Variants in HIVEP2 observed in about 807,000 individuals in gnomAD.
HIVEP2 encodes the protein transcription factor HIVEP2.
In HIVEP2, 14 loss-of-function variants were observed where a neutral mutation model predicts 180.7. The observed-to-expected ratio is 0.08, with a 90% CI of 0.05 to 0.12. The LOEUF (loss-of-function observed/expected upper bound fraction) is 0.12, where lower values mean the gene tolerates loss of function less well. Ranked by LOEUF, HIVEP2 falls within the 10% of genes least tolerant of loss-of-function variation. The pLI is 1.00. For missense variants in HIVEP2, 2,579 were observed against 3,008.5 expected (o/e 0.86, Z 3.34); for synonymous variants, 1,184 against 1,136.4 (o/e 1.04, Z -0.84).
chr6:142,879,037 C>T (rs1776517449), intron 1 of HIVEP2, among the ~76,000 whole-genome samples: 1 of 152,062 alleles, frequency 6.6e-6, no homozygotes, highest in African/African-American at 2.4e-5. Context: ...AATATATATC[C>T]TCACTATCAT....
At chr6:142,883,662 A>C (rs1776629596) in intron 1 of HIVEP2, among the ~76,000 whole-genome samples, 1 of 152,166 alleles carries the variant, frequency 6.6e-6, no homozygotes, top group African/African-American at 2.4e-5. Context: ...AAACTTTTTC[A>C]TATAGTGTGA....
chr6:142,814,568 T>C (rs996979022), intron 2 of HIVEP2, among the ~76,000 whole-genome samples: 1 of 152,144 alleles, frequency 6.6e-6, no homozygotes, highest in Admixed American at 6.5e-5. Context: ...ATCGGTTATA[T>C]GTGTCAGTGT....
At chr6:142,889,045 C>A (rs1222614601) in intron 1 of HIVEP2, among the ~76,000 whole-genome samples, 1 of 152,094 alleles carries the variant, frequency 6.6e-6, no homozygotes, top group Non-Finnish European at 1.5e-5. Flanking sequence ...TTCGAACTTT[C>A]TATTTGATTT....
At chr6:142,863,800 A>T (rs908223344) in intron 1 of HIVEP2, among the ~76,000 whole-genome samples, 3 of 152,306 alleles carry the variant, frequency 2.0e-5, no homozygotes, top group Middle Eastern at 3.4e-3. Context: ...TCCCCCAAGG[A>T]GTAAGACACA....
At chr6:142,895,474 C>T (rs571869326) in intron 1 of HIVEP2, among the ~76,000 whole-genome samples, 2 of 152,266 alleles carry the variant, frequency 1.3e-5, no homozygotes, top group Non-Finnish European at 1.5e-5. Flanking sequence ...ACATCATTAT[C>T]TCCAGGGCTG....
intron 1 of HIVEP2, among the ~76,000 whole-genome samples, chr6:142,933,952 A>G (rs527657772): frequency 7.4e-4 from 113 of 152,338 alleles, no homozygotes; most frequent in African/African-American, 2.5e-3. Context: ...GAATGTGGGT[A>G]TAACTCTCTG....
chr6:142,771,243 A>G lies in HIVEP2; in HGVS notation c.3496T>C (p.Ser1166Pro), dbSNP rs974381338. ...PQIMHMDSQE[S>P]LRNPLIQPTS... ...GGTTGGATCAAGGGATTTCTCAAAG[A>G]TTCCTGACTGTCCATGTGCATGATC... The change falls in exon 5 of 10, where the codon TCT becomes CCT. Residue 1166 changes from serine (S) to proline (P), a missense_variant. Around this residue, in one of 11 missense-constraint regions of HIVEP2, gnomAD observed 523 missense variants for 577.0 expected, o/e 0.91. Coordinates refer to ENST00000367603, the MANE Select transcript of HIVEP2 (RefSeq NM_006734.4). The surrounding 1 kb of genome is among the most constrained non-coding windows in gnomAD (Gnocchi z 5.4). 8.1e-6 allele frequency: 13 copies of G among 1,614,008 alleles called. No homozygotes were observed. In the South Asian group the frequency reaches 8.8e-5, roughly 11 times the overall value.
At chr6:142,789,403 A>G (rs1776084799) in intron 2 of HIVEP2, among the ~76,000 whole-genome samples, 1 of 152,238 alleles carries the variant, frequency 6.6e-6, no homozygotes, top group African/African-American at 2.4e-5. Context: ...TCTTGACCCA[A>G]TTTGACATCA....
chr6:142,859,864 GAAAGAA>G (rs914666872), intron 1 of HIVEP2, among the ~76,000 whole-genome samples: 1 of 133,586 alleles, frequency 7.5e-6, no homozygotes, highest in African/African-American at 2.8e-5. Context: ...AGGAAAGAAA[GAAAGAA>G]AAAGAAAAAA....
chr6:142,932,629 A>G (rs1354950534), intron 1 of HIVEP2, among the ~76,000 whole-genome samples: 4 of 152,210 alleles, frequency 2.6e-5, no homozygotes, highest in Admixed American at 6.5e-5. Flanking sequence ...CAAGATTGCT[A>G]TCTTTAAATA....
rs773472852 is a variant in HIVEP2, at chr6:142,772,276, T to C, written c.2463A>G (p.Glu821=). The part of the protein sequence containing the change: ...PNSFERSESA[E]LVACTQDKAP... ...CTTTATCCTGTGTGCAAGCCACAAGTTCGGCTGACTCAGACCTTTCAAATG... is the reference window on the plus strand; with the variant it reads ...CTTTATCCTGTGTGCAAGCCACAAGCTCGGCTGACTCAGACCTTTCAAATG... Residue 821 remains glutamate, a synonymous_variant, in exon 5 of 10, where the codon GAA becomes GAG. Coordinates refer to ENST00000367603, the MANE Select transcript of HIVEP2 (RefSeq NM_006734.4). The surrounding 1 kb of genome is among the most constrained non-coding windows in gnomAD (Gnocchi z 4.9). The C allele has an allele frequency of 2.5e-6, 4 of 1,614,258 alleles. No individual in the cohort carries two copies. The Admixed American group carries it at 6.7e-5, about 27-fold the overall frequency.
At chr6:142,865,547 C>T (rs1776116946) in intron 1 of HIVEP2, among the ~76,000 whole-genome samples, 1 of 152,088 alleles carries the variant, frequency 6.6e-6, no homozygotes, top group Admixed American at 6.6e-5. Context: ...TGCCTACGAA[C>T]GTACCACCTC....
chr6:142,896,648 A>T (rs1485617706), intron 1 of HIVEP2, among the ~76,000 whole-genome samples: 1 of 152,254 alleles, frequency 6.6e-6, no homozygotes, highest in African/African-American at 2.4e-5. Flanking sequence ...TTCACAAAAA[A>T]GAAAAAACAA....
chr6:142,926,888 G>A (rs1239103456), intron 1 of HIVEP2, among the ~76,000 whole-genome samples: 3 of 152,034 alleles, frequency 2.0e-5, no homozygotes, highest in East Asian at 1.9e-4. Context: ...GGGGGAGGCC[G>A]AGAGCATTTC....
At chr6:142,876,852 A>G (rs1472057520) in intron 1 of HIVEP2, among the ~76,000 whole-genome samples, 2 of 89,828 alleles carry the variant, frequency 2.2e-5, no homozygotes, top group African/African-American at 4.8e-5. Flanking sequence ...GCCAAATCCC[A>G]TCTTCACACA....
At position 142,943,778 on chromosome 6, in the gene HIVEP2, A is replaced by G. The variant is rs1582983371; in HGVS notation, c.-641+1321T>C. Among the ~76,000 whole-genome samples, 5 of 152,368 alleles carry G rather than the reference A, an allele frequency of 3.3e-5. No homozygotes were observed. The East Asian group carries it at 9.6e-4, about 29-fold the overall frequency. On this transcript the variant is annotated intron_variant, in intron 1 of 9. Coordinates refer to ENST00000367603, the MANE Select transcript of HIVEP2 (RefSeq NM_006734.4). The surrounding 1 kb of genome is among the most constrained non-coding windows in gnomAD (Gnocchi z 4.5). The stretch of plus-strand genomic sequence containing the variant: ...TTAGGCCTAAATAACTCTGCAGAGA[A>G]TAAGGGTTTTGCAATGTCAGTTGCA...
At chr6:142,911,517 C>T (rs1777406050) in intron 1 of HIVEP2, among the ~76,000 whole-genome samples, 1 of 152,158 alleles carries the variant, frequency 6.6e-6, no homozygotes, top group Non-Finnish European at 1.5e-5. Context: ...TCTTTTGAGG[C>T]AGACAGAGGA....
intron 1 of HIVEP2, among the ~76,000 whole-genome samples, chr6:142,937,553 A>C (rs1778085627): frequency 6.6e-6 from 1 of 152,076 alleles, no homozygotes; most frequent in Non-Finnish European, 1.5e-5. Context: ...TCTGACTTCA[A>C]ATCGAGGTTC....
chr6:142,769,974 C>T lies in HIVEP2; in HGVS notation c.4765G>A (p.Ala1589Thr), dbSNP rs769159959. The change falls in exon 5 of 10, where the codon GCA becomes ACA. Residue 1589 changes from alanine to threonine, a missense_variant. By Grantham distance (58) the Ala-to-Thr change is moderately conservative (BLOSUM62 0). Transcript: ENST00000367603. ...SMSPQSSSLP[A>T]GDGQLEEEGK... ...TCCTCTTCCAGCTGACCATCTCCTG[C>T]TGGTAATGAAGAACTCTGTGGGCTC... 5.0e-6 allele frequency: 8 copies of T among 1,614,106 alleles called. No homozygotes were observed. Among genetic ancestry groups the T allele is most frequent in the Non-Finnish European group, 5.1e-6 (6 of 1,180,040 alleles).
Sources: gnomAD v4.1 joint callset for allele counts (sites outside exome capture counted in the v4.1 genomes callset) on GRCh38, gnomAD v4.1.1 for gene constraint, gnomAD v4.1.1 regional missense constraint, Gnocchi (gnomAD v3.1) non-coding constraint, MANE v1.5 for transcripts, NCBI Gene and HGNC (gene_info 2026-07-23, HGNC 2026-07-21) for gene names.